The following SLCO1A2 variants were observed in gnomAD, a reference collection of about 807,000 sequenced individuals.
SLCO1A2 encodes the protein solute carrier organic anion transporter family member 1A2.
SLCO1A2 carries 67 observed loss-of-function variants against 69.0 expected under a neutral mutation model. The observed-to-expected ratio is 0.97, with a 90% confidence interval of 0.80 to 1.19. The LOEUF (loss-of-function observed/expected upper bound fraction) is 1.19, where lower values mean the gene tolerates loss of function less well. SLCO1A2 is among the 50% of genes most tolerant of loss of function. The pLI is 0.00. For missense variants in SLCO1A2, 787 were observed against 793.7 expected, an observed-to-expected ratio of 0.99 and a Z score of 0.10; for synonymous variants, 260 against 265.9, an observed-to-expected ratio of 0.98 and a Z score of 0.22.
At chr12:21,309,211 T>C (rs1418689850) in intron 4 of SLCO1A2, among the ~76,000 whole-genome samples, 1 of 152,102 alleles carries the variant, frequency 6.6e-6, no homozygotes, top group Non-Finnish European at 1.5e-5. Flanking sequence ...AACATAAGGT[T>C]AATACAGGAT....
chr12:21,273,414 C>A (rs1943233533), intron 14 of SLCO1A2, among the ~76,000 whole-genome samples: 1 of 152,128 alleles, frequency 6.6e-6, no homozygotes, highest in African/African-American at 2.4e-5. Flanking sequence ...ATGTAGGGAT[C>A]CATGGAGAAT....
intron 2 of SLCO1A2, among the ~76,000 whole-genome samples, chr12:21,374,109 G>C (rs1940007995): frequency 3.3e-5 from 5 of 152,114 alleles, no homozygotes; most frequent in Admixed American, 3.3e-4. Flanking sequence ...TCAGTAGGTA[G>C]CATGTATGTC....
chr12:21,370,109 C>A (rs954528237), intron 2 of SLCO1A2, among the ~76,000 whole-genome samples: 22 of 152,084 alleles, frequency 1.4e-4, no homozygotes, highest in African/African-American at 4.8e-4. Context: ...AAACAAATAT[C>A]CTGGATCAGA....
chr12:21,373,105 T>A (rs1250481640), intron 2 of SLCO1A2: 1 of 532,838 alleles, frequency 1.9e-6, no homozygotes, highest in South Asian at 2.2e-5. Context: ...AAAGGGAGAA[T>A]GTATTACAAT....
intron 1 of SLCO1A2, among the ~76,000 whole-genome samples, chr12:21,393,068 A>C (rs1298148892): frequency 6.6e-6 from 1 of 152,164 alleles, no homozygotes; most frequent in African/African-American, 2.4e-5. Flanking sequence ...ATCACATGAG[A>C]CCATATTTCT....
intron 2 of SLCO1A2, among the ~76,000 whole-genome samples, chr12:21,367,415 G>A (rs747986274): frequency 6.6e-6 from 1 of 152,070 alleles, no homozygotes; most frequent in Non-Finnish European, 1.5e-5. Context: ...ATCCTAGAAA[G>A]CAGTCAGTTT....
At chr12:21,288,011 TAAA>T (rs59000175) in intron 12 of SLCO1A2, among the ~76,000 whole-genome samples, 67 of 102,938 alleles carry the variant, frequency 6.5e-4, no homozygotes, top group African/African-American at 8.3e-4. Flanking sequence ...TAAAGTATAA[TAAA>T]AAAAAAAAAA....
intron 1 of SLCO1A2, among the ~76,000 whole-genome samples, chr12:21,415,470 C>G (rs186303078): frequency 5.9e-4 from 89 of 152,020 alleles, no homozygotes; most frequent in African/African-American, 2.1e-3. Flanking sequence ...TTAGTAGGAG[C>G]TTTTGTGTGG....
At chr12:21,302,740 A>G (rs1366879019) in intron 6 of SLCO1A2, among the ~76,000 whole-genome samples, 1 of 150,790 alleles carries the variant, frequency 6.6e-6, no homozygotes, top group African/African-American at 2.4e-5. Context: ...TACTTTTAGT[A>G]GAGATGGGGT....
intron 1 of SLCO1A2, among the ~76,000 whole-genome samples, chr12:21,400,888 G>C (rs188534664): frequency 6.4e-5 from 5 of 77,720 alleles, no homozygotes; most frequent in Non-Finnish European, 1.2e-4. Context: ...GGGGTGGGGG[G>C]AGGGGGGAGG....
chr12:21,417,576 A>G (rs1272254177), intron 1 of SLCO1A2, among the ~76,000 whole-genome samples: 1 of 151,852 alleles, frequency 6.6e-6, no homozygotes, highest in African/African-American at 2.4e-5. Flanking sequence ...AAAGGGGATT[A>G]TTATTTTTGT....
chr12:21,333,781 A>G (rs183924622), intron 2 of SLCO1A2, among the ~76,000 whole-genome samples: 22 of 152,242 alleles, frequency 1.4e-4, no homozygotes, highest in African/African-American at 4.1e-4. Context: ...TACCCTTTTC[A>G]GATGAGAAAA....
intron 4 of SLCO1A2, among the ~76,000 whole-genome samples, chr12:21,309,124 A>G (rs1258454922): frequency 1.3e-5 from 2 of 152,190 alleles, no homozygotes; most frequent in Non-Finnish European, 2.9e-5. Context: ...ATTCAAAGGC[A>G]TGGAAAATAA....
intron 14 of SLCO1A2, 38 bp downstream of exon 14, chr12:21,274,431 T>C (rs1365608855): frequency 1.5e-6 from 2 of 1,363,686 alleles, no homozygotes; most frequent in Admixed American, 3.4e-5. Context: ...GCACAGTCTA[T>C]GCTTATAAAA....
At chr12:21,295,372 A>ACAAT in intron 10 of SLCO1A2, 1 of 458,974 alleles carries the variant, frequency 2.2e-6, no homozygotes, top group South Asian at 2.5e-5. Context: ...ACATGCACAT[A>ACAAT]CAATCATAAA....
intron 1 of SLCO1A2, chr12:21,378,592 G>A (rs996523654): frequency 1.6e-5 from 9 of 559,532 alleles, no homozygotes; most frequent in Non-Finnish European, 2.5e-5. Context: ...TACTAACTAA[G>A]GTCCCATAAT....
intron 2 of SLCO1A2, among the ~76,000 whole-genome samples, chr12:21,364,995 C>T (rs886674756): frequency 2.0e-5 from 3 of 152,084 alleles, no homozygotes; most frequent in Non-Finnish European, 4.4e-5. Context: ...AGATTCAATG[C>T]CATCCCCATC....
At chr12:21,382,491 G>A (rs1040337048) in intron 1 of SLCO1A2, among the ~76,000 whole-genome samples, 3 of 152,024 alleles carry the variant, frequency 2.0e-5, no homozygotes, top group Non-Finnish European at 4.4e-5. Flanking sequence ...ATAAAGAAAT[G>A]ATAATAAATT....
At chr12:21,385,986 C>T (rs1940858860) in intron 1 of SLCO1A2, among the ~76,000 whole-genome samples, 1 of 152,142 alleles carries the variant, frequency 6.6e-6, no homozygotes. Context: ...ACTCAGTTTT[C>T]AGAGCTTTAT....
Sources: gnomAD v4.1 joint callset for allele counts (sites outside exome capture counted in the v4.1 genomes callset) on GRCh38, gnomAD v4.1.1 for gene constraint, MANE v1.5 for transcripts, NCBI Gene and HGNC (gene_info 2026-07-23, HGNC 2026-07-21) for gene names.